The following ZFP64 variants were observed in gnomAD, a reference collection of about 807,000 sequenced individuals.
ZFP64 encodes the protein ZFP64 zinc finger protein.
Under a neutral mutation model 51.6 loss-of-function variants are expected in ZFP64, and 14 were observed. That is an observed-to-expected ratio of 0.27 (90% CI 0.18 to 0.42). The LOEUF (loss-of-function observed/expected upper bound fraction) is 0.42. Ranked by LOEUF, ZFP64 falls within the 10% of genes least tolerant of loss-of-function variation. The pLI is 1.00. For synonymous variants in ZFP64, 375 were observed against 361.4 expected, an observed-to-expected ratio of 1.04 and a Z score of -0.43; for missense variants, 754 against 906.8, an observed-to-expected ratio of 0.83 and a Z score of 2.16.
chr20:52,142,860 C>CAAAAAAAAAAAA (rs1568674174), intron 5 of ZFP64, among the ~76,000 whole-genome samples: 1 of 84,952 alleles, frequency 1.2e-5, no homozygotes. Flanking sequence ...AAAAAAAAAG[C>CAAAAAAAAAAAA]AAAAAAGAGG....
Position 52,169,035 on chromosome 20 carries a change from A to G in ZFP64, c.287-3010T>C, listed in dbSNP as rs189178097. Among the ~76,000 whole-genome samples the G allele has an allele frequency of 1.8e-3, 271 of 152,334 alleles. 1 individual carries two copies. Among genetic ancestry groups the G allele is most frequent in the African/African-American group, 6.2e-3 (257 of 41,574 alleles). On this transcript the variant is annotated intron_variant, in intron 2 of 5. Coordinates refer to ENST00000216923, the MANE Select transcript of ZFP64 (RefSeq NM_018197.3). ...TGTTAAAATGTGTCTTCAGACTGATATAAGTTCAGGTTTGATCATTCACTA... is the reference window on the plus strand; with the variant it reads ...TGTTAAAATGTGTCTTCAGACTGATGTAAGTTCAGGTTTGATCATTCACTA...
chr20:52,133,291 G>A (rs1461674669), intron 5 of ZFP64, among the ~76,000 whole-genome samples: 1 of 151,956 alleles, frequency 6.6e-6, no homozygotes, highest in East Asian at 1.9e-4. Flanking sequence ...TCTAAGACCT[G>A]GAACATGACA....
downstream of ZFP64, among the ~76,000 whole-genome samples, chr20:52,150,482 T>G (rs1415221053): frequency 2.0e-5 from 3 of 152,176 alleles, no homozygotes; most frequent in Non-Finnish European, 4.4e-5. Context: ...CTGTAAGCAA[T>G]AAGTTTAAAG....
intron 5 of ZFP64, among the ~76,000 whole-genome samples, chr20:52,117,069 TCA>T (rs992706443): frequency 2.0e-5 from 3 of 148,150 alleles, no homozygotes; most frequent in African/African-American, 7.4e-5. Context: ...AGACTCTGTC[TCA>T]CACACACACG....
chr20:52,111,285 C>T (rs538877375), intron 5 of ZFP64, among the ~76,000 whole-genome samples: 1 of 148,460 alleles, frequency 6.7e-6, no homozygotes, highest in African/African-American at 2.5e-5. Flanking sequence ...GGCGCGATCT[C>T]GGCTCATCGC....
rs1447938360 is a variant in ZFP64 at position 52,143,785 on chromosome 20, T to C, written c.763+16338A>G. Reference sequence around the variant, plus strand: ...AGCTGGTCTGGAATCCTTGGGCTCATGTGATCCTTTTGCCTTGGCCTCCCA... The same window carrying C: ...AGCTGGTCTGGAATCCTTGGGCTCACGTGATCCTTTTGCCTTGGCCTCCCA... On this transcript the variant is annotated intron_variant, in intron 5 of 8. Transcript: ENST00000361387. 2.1e-5 allele frequency among the ~76,000 whole-genome samples: 3 copies of C among 142,512 alleles called. 1 individual carries two copies. Among genetic ancestry groups the C allele is most frequent in the Admixed American group, 7.2e-5 (1 of 13,822 alleles). The allele number at this position is 142,512 out of a possible 152,430, so 93.5% of individuals were successfully genotyped here. A position where few individuals can be genotyped will look rare whatever the true frequency, so the allele number is the denominator to read the frequency against.
At chr20:52,154,402 G>A (rs554064474) in intron 5 of ZFP64, among the ~76,000 whole-genome samples, 17 of 152,174 alleles carry the variant, frequency 1.1e-4, no homozygotes, top group South Asian at 4.2e-4. Context: ...GTTCTTGGTC[G>A]CCCCGTAGTA....
At chr20:52,173,645 C>CA (rs1982933812) in intron 2 of ZFP64, among the ~76,000 whole-genome samples, 1 of 144,020 alleles carries the variant, frequency 6.9e-6, no homozygotes, top group Admixed American at 7.0e-5. Flanking sequence ...TACATCCTTG[C>CA]TTTTTTTTTT....
intron 2 of ZFP64, among the ~76,000 whole-genome samples, chr20:52,174,412 G>C (rs892167893): frequency 1.3e-5 from 2 of 151,064 alleles, no homozygotes; most frequent in African/African-American, 4.9e-5. Flanking sequence ...GAACCCGGGA[G>C]GCGGAGGTTG....
At chr20:52,141,962 C>T (rs991964305) in intron 5 of ZFP64, among the ~76,000 whole-genome samples, 1 of 152,134 alleles carries the variant, frequency 6.6e-6, no homozygotes, top group African/African-American at 2.4e-5. Flanking sequence ...AGTCAAACAC[C>T]GCATGGTCTC....
At chr20:52,095,606 C>T (rs1293246386) in intron 7 of ZFP64, among the ~76,000 whole-genome samples, 1 of 152,168 alleles carries the variant, frequency 6.6e-6, no homozygotes, top group Non-Finnish European at 1.5e-5. Context: ...TCACCTGGGG[C>T]CCAGAGAAGT....
intron 5 of ZFP64, among the ~76,000 whole-genome samples, chr20:52,122,829 A>G (rs1183663839): frequency 6.6e-6 from 1 of 152,220 alleles, no homozygotes; most frequent in Non-Finnish European, 1.5e-5. Context: ...TAAAACCTCA[A>G]CAGATGAGGA....
Position 52,144,578 on chromosome 20 carries a change from C to CAAAAAAAAAAAAAAAAAAAAAAAAAAA in ZFP64, c.763+15544_763+15545insTTTTTTTTTTTTTTTTTTTTTTTTTTT, listed in dbSNP as rs1156545584. Among the ~76,000 whole-genome samples, 8 of 23,326 alleles carry CAAAAAAAAAAAAAAAAAAAAAAAAAAA rather than the reference C, an allele frequency of 3.4e-4. 1 individual carries two copies. The highest frequency in any genetic ancestry group is 9.0e-4 in the African/African-American group (5 of 5,540). The allele number at this position is 23,326 out of a possible 152,430, so 15.3% of individuals were successfully genotyped here. ...CTGGTGACAGAGCGAGACTCCGTCT[C>CAAAAAAAAAAAAAAAAAAAAAAAAAAA]AAAAAAAAAAAAAAAAAAAAAAAAT... On this transcript the variant is annotated intron_variant, in intron 5 of 8. Transcript: ENST00000361387.
At chr20:52,108,934 A>T (rs1978402091) in intron 5 of ZFP64, among the ~76,000 whole-genome samples, 2 of 151,930 alleles carry the variant, frequency 1.3e-5, no homozygotes, top group South Asian at 4.2e-4. Flanking sequence ...TATAAATGAA[A>T]GCAAAGTATC....
intron 5 of ZFP64, among the ~76,000 whole-genome samples, chr20:52,108,035 G>A (rs1348169572): frequency 1.3e-5 from 2 of 152,190 alleles, no homozygotes; most frequent in Admixed American, 6.5e-5. Flanking sequence ...AGACCAGCCT[G>A]GGCGACATGG....
At chr20:52,155,530 T>A (rs138485987) in intron 5 of ZFP64, among the ~76,000 whole-genome samples, 2 of 152,342 alleles carry the variant, frequency 1.3e-5, no homozygotes, top group African/African-American at 2.4e-5. Flanking sequence ...TCACTTTTTT[T>A]AAGCAATCTG....
At chr20:52,102,107 C>CAAAAAAAA (rs34646115) in intron 5 of ZFP64, among the ~76,000 whole-genome samples, 677 of 63,344 alleles carry the variant, frequency 0.011, 27 homozygotes, top group Non-Finnish European at 0.016. Flanking sequence ...ACTCCATCTC[C>CAAAAAAAA]AAAAAAAAAA....
intron 5 of ZFP64, among the ~76,000 whole-genome samples, chr20:52,145,120 A>G (rs8115237): frequency 0.15 from 22,333 of 152,286 alleles, 1,979 homozygotes; most frequent in Non-Finnish European, 0.2. Context: ...ATTTATTTTT[A>G]GAGTTGCATA....
chr20:52,137,047 G>C (rs989711770), intron 5 of ZFP64, among the ~76,000 whole-genome samples: 4 of 152,186 alleles, frequency 2.6e-5, no homozygotes, highest in Admixed American at 2.6e-4. Flanking sequence ...TTACAGGTGT[G>C]AGCCACCGTG....
Sources: allele counts gnomAD v4.1 joint callset (sites outside exome capture counted in the v4.1 genomes callset), GRCh38; gene constraint gnomAD v4.1.1; transcripts MANE v1.5; gene names NCBI Gene and HGNC (gene_info 2026-07-23, HGNC 2026-07-21).